Variants in BMPR1B observed in about 807,000 individuals in gnomAD.
The protein encoded by BMPR1B is bone morphogenetic protein receptor type 1B.
BMPR1B carries 12 observed loss-of-function variants against 59.1 expected under a neutral mutation model. That is an observed-to-expected ratio of 0.20 (90% CI 0.13 to 0.33). The LOEUF is 0.33. Ranked by LOEUF, BMPR1B falls within the 10% of genes least tolerant of loss-of-function variation. The pLI is 1.00. For synonymous variants in BMPR1B, 237 were observed against 207.3 expected, an observed-to-expected ratio of 1.14 and a Z score of -1.23; for missense variants, 550 against 610.9, an observed-to-expected ratio of 0.90 and a Z score of 1.05.
intron 3 of BMPR1B, among the ~76,000 whole-genome samples, chr4:95,007,811 T>C (rs757461342): frequency 5.3e-5 from 8 of 152,108 alleles, no homozygotes; most frequent in Non-Finnish European, 1.2e-4. Context: ...TTGCAATATA[T>C]GAAAATATAA....
At chr4:94,898,310 A>G (rs16996449) in intron 2 of BMPR1B, among the ~76,000 whole-genome samples, 5,245 of 151,994 alleles carry the variant, frequency 0.035, 297 homozygotes, top group African/African-American at 0.12. Context: ...CTTAGACTAG[A>G]TATTCTCTTC....
intron 3 of BMPR1B, among the ~76,000 whole-genome samples, chr4:95,056,258 T>G (rs1398300698): frequency 6.6e-6 from 1 of 152,170 alleles, no homozygotes; most frequent in African/African-American, 2.4e-5. Context: ...TTTGGAAAAG[T>G]GAATAGTAAA....
intron 2 of BMPR1B, among the ~76,000 whole-genome samples, chr4:94,989,911 A>G (rs991348494): frequency 9.8e-5 from 15 of 152,384 alleles, no homozygotes; most frequent in African/African-American, 3.4e-4. Flanking sequence ...GCACATGAAA[A>G]GATGCTCAAC....
At chr4:94,787,323 A>T (rs1287471846) in intron 1 of BMPR1B, among the ~76,000 whole-genome samples, 2 of 152,164 alleles carry the variant, frequency 1.3e-5, no homozygotes, top group African/African-American at 4.8e-5. Context: ...AGGACAAGCT[A>T]CTGAAACATG....
At chr4:95,020,577 CA>C (rs10549500) in intron 3 of BMPR1B, among the ~76,000 whole-genome samples, 29,280 of 123,360 alleles carry the variant, frequency 0.24, 3,638 homozygotes, top group African/African-American at 0.43. Flanking sequence ...GACTCCATCT[CA>C]AAAAAAAAAA....
rs564821184 is a variant in BMPR1B at position 94,802,204 on chromosome 4, A to G, written c.-183+44136A>G. 3.9e-5 allele frequency among the ~76,000 whole-genome samples: 6 copies of G among 152,258 alleles called. No individual in the cohort carries two copies. In the East Asian group the frequency reaches 5.8e-4, roughly 15 times the overall value. ...GGGTGTTTGACTGCTTGCTTTCTCC[A>G]GGTCATGGGTTCTAGCTGAAATCTA... On this transcript the variant is annotated intron_variant, in intron 1 of 12. Transcript: ENST00000515059.
chr4:94,841,020 C>A (rs1465495444), intron 1 of BMPR1B, among the ~76,000 whole-genome samples: 1 of 147,232 alleles, frequency 6.8e-6, no homozygotes, highest in African/African-American at 2.5e-5. Flanking sequence ...GAGTACCCTG[C>A]CGTGTGAGGT....
chr4:94,842,529 T>C (rs563813937), intron 1 of BMPR1B, among the ~76,000 whole-genome samples: 50 of 152,344 alleles, frequency 3.3e-4, no homozygotes, highest in Non-Finnish European at 5.6e-4. Context: ...TTCTTGGATA[T>C]TAATAATCAT....
At chr4:95,068,297 C>T (rs967133213) in intron 3 of BMPR1B, among the ~76,000 whole-genome samples, 8 of 152,128 alleles carry the variant, frequency 5.3e-5, no homozygotes, top group Non-Finnish European at 8.8e-5. Context: ...CTATATTATG[C>T]TTAGCTTTTC....
chr4:94,892,100 G>A (rs937173742), intron 2 of BMPR1B, among the ~76,000 whole-genome samples: 5 of 152,148 alleles, frequency 3.3e-5, no homozygotes, highest in Non-Finnish European at 5.9e-5. Flanking sequence ...GTAATTGCTC[G>A]TAGTTTTTAA....
At chr4:94,812,540 C>A (rs1479036619) in intron 1 of BMPR1B, among the ~76,000 whole-genome samples, 2 of 152,170 alleles carry the variant, frequency 1.3e-5, no homozygotes, top group Non-Finnish European at 2.9e-5. Flanking sequence ...TTGCTTTTTT[C>A]TGTAGGCACT....
At chr4:94,813,529 A>G (rs1198186710) in intron 1 of BMPR1B, among the ~76,000 whole-genome samples, 3 of 152,150 alleles carry the variant, frequency 2.0e-5, no homozygotes, top group Non-Finnish European at 4.4e-5. Flanking sequence ...ATGAGGTCTG[A>G]GAGGGAGATG....
intron 2 of BMPR1B, among the ~76,000 whole-genome samples, chr4:94,880,901 G>A (rs1726939358): frequency 6.6e-6 from 1 of 152,074 alleles, no homozygotes; most frequent in African/African-American, 2.4e-5. Flanking sequence ...CTCCCAAAGT[G>A]CTGAGATTAT....
chr4:94,791,387 C>G (rs1722984052), intron 1 of BMPR1B, among the ~76,000 whole-genome samples: 1 of 152,012 alleles, frequency 6.6e-6, no homozygotes, highest in Admixed American at 6.6e-5. Context: ...GGTCACTGTT[C>G]CATGTTCTTT....
intron 2 of BMPR1B, among the ~76,000 whole-genome samples, chr4:94,908,215 A>G (rs1728134559): frequency 6.6e-6 from 1 of 151,890 alleles, no homozygotes; most frequent in South Asian, 2.1e-4. Context: ...TGCACTTTCT[A>G]CACTGAATTA....
At chr4:95,141,197 C>CT (rs1251980658) in intron 10 of BMPR1B, among the ~76,000 whole-genome samples, 3 of 152,164 alleles carry the variant, frequency 2.0e-5, no homozygotes, top group African/African-American at 7.2e-5. Context: ...AAAGTTTGCT[C>CT]TTCTCAGTTT....
intron 10 of BMPR1B, among the ~76,000 whole-genome samples, chr4:95,145,017 A>AAT (rs1243788318): frequency 2.0e-5 from 3 of 152,192 alleles, no homozygotes; most frequent in Non-Finnish European, 2.9e-5. Flanking sequence ...TATACTTAGA[A>AAT]ATATATATAC....
intron 1 of BMPR1B, among the ~76,000 whole-genome samples, chr4:94,758,416 C>A (rs1328154608): frequency 6.6e-6 from 1 of 151,688 alleles, no homozygotes; most frequent in Non-Finnish European, 1.5e-5. Context: ...ACACGTGCTT[C>A]GGGCTGTAGG....
chr4:95,053,339 A>C (rs1402289311), intron 3 of BMPR1B, among the ~76,000 whole-genome samples: 1 of 118,552 alleles, frequency 8.4e-6, no homozygotes, highest in African/African-American at 2.9e-5. Flanking sequence ...CCTGTACTTA[A>C]TTTATCTTAT....
Sources: allele counts gnomAD v4.1 joint callset (sites outside exome capture counted in the v4.1 genomes callset), GRCh38; gene constraint gnomAD v4.1.1; transcripts MANE v1.5; gene names NCBI Gene and HGNC (gene_info 2026-07-23, HGNC 2026-07-21).